The following LONP1 variants were observed in gnomAD, a reference collection of about 807,000 sequenced individuals.
LONP1 encodes lon peptidase 1, mitochondrial.
Under a neutral mutation model 98.5 loss-of-function variants are expected in LONP1, and 31 were observed. The observed-to-expected ratio is 0.31, with a 90% CI of 0.24 to 0.42. LONP1 has a LOEUF of 0.42. Ranked by LOEUF, LONP1 falls within the 20% of genes least tolerant of loss-of-function variation. The pLI, the probability that LONP1 is intolerant of heterozygous loss-of-function variation, is 1.00. For missense variants in LONP1, 1,336 were observed against 1,350.6 expected (o/e 0.99, Z 0.17); for synonymous variants, 781 against 594.7 (o/e 1.31, Z -4.56).
At chr19:5,692,230 G>C in intron 17 of LONP1, 22 bp from the exon 18 acceptor site, 4 of 1,597,734 alleles carry the variant, frequency 2.5e-6, no homozygotes, top group Non-Finnish European at 3.4e-6. Flanking sequence ...GTCAGGGTCA[G>C]CCCTGCCTGG....
Position 5,720,003 on chromosome 19 carries a change from G to T in LONP1, c.130C>A (p.Arg44=), listed in dbSNP as rs928637175. The part of the protein sequence containing the change: ...AAGAWLLRGQ[R]TCDASPPWAL... ...CAAGGAGGAGAGGCGTCGCAGGTCC[G>T]CTGGCCTCGGAGCAACCACGCTCCT... Residue 44 remains arginine (R), a synonymous_variant, in exon 1 of 18, where the codon CGG becomes AGG. Coordinates refer to ENST00000360614, the MANE Select transcript of LONP1 (RefSeq NM_004793.4). The T allele has an allele frequency of 6.3e-7, 1 of 1,576,138 alleles. No homozygotes were observed.
intron 8 of LONP1, among the ~76,000 whole-genome samples, chr19:5,702,002 T>C (rs2055055497): frequency 6.6e-6 from 1 of 150,646 alleles, no homozygotes; most frequent in South Asian, 2.1e-4. Flanking sequence ...GAGGAGACCC[T>C]CTGCCTGGCA....
At chr19:5,693,061 C>T (rs970190627) in intron 17 of LONP1, among the ~76,000 whole-genome samples, 5 of 152,176 alleles carry the variant, frequency 3.3e-5, no homozygotes, top group Admixed American at 6.5e-5. Context: ...CAGGAGCCAC[C>T]CCCCCAATCC....
At chr19:5,693,948 T>C (rs1453880179) in intron 15 of LONP1, among the ~76,000 whole-genome samples, 179 bp from the exon 16 acceptor site, 1 of 152,134 alleles carries the variant, frequency 6.6e-6, no homozygotes, top group African/African-American at 2.4e-5. Flanking sequence ...CGTTGCGGGT[T>C]CCTGGCTCTG....
In LONP1 at chr19:5,698,934, G is replaced by A. The variant is rs1036473500; in HGVS notation, c.1685+93C>T. 1.7e-5 allele frequency: 23 copies of A among 1,330,892 alleles called. No individual in the cohort carries two copies. The African/African-American group carries it at 3.3e-4, about 19-fold the overall frequency. 82.4% of individuals were successfully genotyped at this position (1,330,892 alleles called of 1,614,324 possible). On this transcript the variant is annotated intron_variant, in intron 10 of 17. Coordinates refer to ENST00000360614, the MANE Select transcript of LONP1 (RefSeq NM_004793.4). Reference sequence around the variant, plus strand: ...GAATCGGTTGCCCACAACCCGGATTGCTCTACCAGATGTTAAAGGGTGACC... The same window carrying A: ...GAATCGGTTGCCCACAACCCGGATTACTCTACCAGATGTTAAAGGGTGACC...
chr19:5,715,254 C>A (rs1293918803), intron 1 of LONP1, among the ~76,000 whole-genome samples: 1 of 151,240 alleles, frequency 6.6e-6, no homozygotes, highest in Non-Finnish European at 1.5e-5. Context: ...GTTTGAAAAT[C>A]AAAACCATTC....
At chr19:5,720,368 G>A (rs553522744), upstream of LONP1, 4 of 646,508 alleles carry the variant, frequency 6.2e-6, no homozygotes, top group South Asian at 2.3e-5. Flanking sequence ...GGAAGGCTGT[G>A]AGCAGGCGCC....
At chr19:5,700,742 C>T (rs1172898215) in intron 9 of LONP1, 47 bp downstream of exon 9, 2 of 1,609,052 alleles carry the variant, frequency 1.2e-6, no homozygotes, top group Non-Finnish European at 1.7e-6. Flanking sequence ...AGTCCTGGGC[C>T]CGGGCACCCA....
At position 5,707,628 on chromosome 19, in the gene LONP1, C is replaced by T. The variant is rs552891399; in HGVS notation, c.1062+69G>A. 8.0e-4 allele frequency: 1,239 copies of T among 1,547,058 alleles called. 29 individuals are homozygous for T. In the Admixed American group the frequency reaches 0.021, roughly 26 times the overall value. On this transcript the variant is annotated intron_variant, in intron 6 of 17. Transcript: ENST00000360614. ...CTGAGGAGGAACGGGGGCAGCCGGG[C>T]GTGGGCGGAGCATAGTGGAGGTGGG...
chr19:5,717,364 T>A (rs1251421483), intron 1 of LONP1: 1 of 152,198 alleles, frequency 6.6e-6, no homozygotes, highest in African/African-American at 2.4e-5. Context: ...GGCATCTGCC[T>A]CCTGGCCTTG....
chr19:5,719,773 C>G lies in LONP1; in HGVS notation c.360G>C (p.Val120=). The G allele has an allele frequency of 1.2e-6, 2 of 1,613,494 alleles. No homozygotes were observed. Among genetic ancestry groups the G allele is most frequent in the Admixed American group, 1.7e-5 (1 of 60,034 alleles). Residue 120 remains valine, a synonymous_variant, in exon 1 of 18, where the codon GTG becomes GTC. Coordinates refer to ENST00000360614, the MANE Select transcript of LONP1 (RefSeq NM_004793.4). ...TGGCGATGAGCGGCAGGTGCGGAAA[C>G]ACATCGGGGATCGTCATGGGCGTGA... ...TALTPMTIPD[V]FPHLPLIAIT...
intron 15 of LONP1, 121 bp downstream of exon 15, chr19:5,694,266 C>G: frequency 1.5e-6 from 2 of 1,340,334 alleles, no homozygotes; most frequent in Non-Finnish European, 2.0e-6. Context: ...GCACACCACC[C>G]CCCGCCAGAG....
intron 4 of LONP1, chr19:5,708,854 A>C (rs912981822): frequency 6.5e-6 from 1 of 154,402 alleles, no homozygotes; most frequent in Non-Finnish European, 1.4e-5. Flanking sequence ...TCTACCAAAA[A>C]ATACAAAAAT....
intron 9 of LONP1, among the ~76,000 whole-genome samples, chr19:5,700,524 C>G (rs1413608566): frequency 6.6e-6 from 1 of 152,196 alleles, no homozygotes; most frequent in Admixed American, 6.5e-5. Flanking sequence ...TCAAGTGATC[C>G]TCCCGCCTCA....
intron 8 of LONP1, among the ~76,000 whole-genome samples, chr19:5,702,090 C>G (rs1182267710): frequency 7.0e-6 from 1 of 143,312 alleles, no homozygotes; most frequent in Non-Finnish European, 1.6e-5. Flanking sequence ...GGGTCAGCCC[C>G]CCACCCGGCC....
At position 5,691,911 on chromosome 19, in the gene LONP1, G is replaced by C; in HGVS notation, c.*121C>G. The C allele has an allele frequency of 4.3e-6, 5 of 1,150,478 alleles. No individual in the cohort carries two copies. Among genetic ancestry groups the C allele is most frequent in the African/African-American group, 1.5e-5 (1 of 65,548 alleles). The allele number at this position is 1,150,478 out of a possible 1,614,324, so 71.3% of individuals were successfully genotyped here. ...GCCGACTGAGGTCCCTGGGATCTGG[G>C]TCACTGGACCGAGCTGCTCGCTCGG... On this transcript the variant is annotated 3_prime_UTR_variant, in exon 18 of 18. Transcript: ENST00000360614.
chr19:5,700,381 G>A (rs2055017979), intron 9 of LONP1, among the ~76,000 whole-genome samples: 1 of 152,236 alleles, frequency 6.6e-6, no homozygotes, highest in Admixed American at 6.5e-5. Flanking sequence ...CCAAAGTGCT[G>A]GGATTACAGG....
intron 3 of LONP1, among the ~76,000 whole-genome samples, chr19:5,712,276 A>G (rs537877392): frequency 6.6e-6 from 1 of 152,300 alleles, no homozygotes; most frequent in East Asian, 1.9e-4. Context: ...AGTATCGTGG[A>G]TAAGCTGCAG....
rs148812474 is a variant in LONP1, at chr19:5,696,330, C to T, written c.1815G>A (p.Ser605=). ...IGRGYQGDPS[S]ALLELLDPEQ... is the part of the protein sequence containing the mutation. ...CTGGGTCCAGCAGCTCCAGCAGTGC[C>T]GACGACGGGTCCCCCTGGTAGCCTC... The change falls in exon 12 of 18, where the codon TCG becomes TCA. Residue 605 remains serine (S), a synonymous_variant. Coordinates refer to ENST00000360614, the MANE Select transcript of LONP1 (RefSeq NM_004793.4). 8.2e-5 allele frequency: 132 copies of T among 1,613,202 alleles called. No homozygotes were observed. In the Middle Eastern group the frequency reaches 1.5e-3, roughly 18 times the overall value.
Sources: allele counts gnomAD v4.1 joint callset (sites outside exome capture counted in the v4.1 genomes callset), GRCh38; gene constraint gnomAD v4.1.1; transcripts MANE v1.5; gene names NCBI Gene and HGNC (gene_info 2026-07-23, HGNC 2026-07-21).